AFF2: variants seen among roughly 807,000 people sequenced by gnomAD.
AFF2 encodes the protein AF4/FMR2 family member 2.
AFF2 carries 14 observed loss-of-function variants against 76.9 expected under a neutral mutation model. The ratio of observed to expected loss-of-function variants is 0.18; its 90% CI spans 0.12 to 0.28. The LOEUF is 0.28. Among genes scored for constraint, AFF2 ranks in the 10% least tolerant of loss-of-function variants. The pLI is 1.00. For missense variants in AFF2, 868 were observed against 1,001.1 expected, an observed-to-expected ratio of 0.87 and a Z score of 1.79; for synonymous variants, 398 against 366.7, an observed-to-expected ratio of 1.09 and a Z score of -0.98.
At chrX:148,512,349 C>G (rs1463504063) in intron 1 of AFF2, among the ~76,000 whole-genome samples, 1 of 111,870 alleles carries the variant, frequency 8.9e-6, no homozygotes, top group Non-Finnish European at 1.9e-5. Context: ...TCATTGTATT[C>G]TGATTAGCAT....
chrX:148,828,120 C>T (rs782526320), intron 4 of AFF2, among the ~76,000 whole-genome samples: 73 of 111,590 alleles, frequency 6.5e-4, no homozygotes, highest in Middle Eastern at 4.6e-3. Context: ...ATGTAGTTGA[C>T]GGCAAAATAA....
chrX:148,984,317 C>T (rs781875787), intron 19 of AFF2, among the ~76,000 whole-genome samples: 12 of 110,840 alleles, frequency 1.1e-4, no homozygotes, highest in African/African-American at 1.6e-4. Context: ...GTGGTAGTGG[C>T]GGAAGTGGTG....
At chrX:148,578,428 G>GACT (rs782656678) in intron 1 of AFF2, among the ~76,000 whole-genome samples, 1 of 111,666 alleles carries the variant, frequency 9.0e-6, no homozygotes, top group African/African-American at 3.3e-5. Context: ...TCTGAACCAA[G>GACT]TGCCCCATGT....
chrX:148,627,487 G>A (rs1199117668), intron 1 of AFF2, among the ~76,000 whole-genome samples: 2 of 111,803 alleles, frequency 1.8e-5, no homozygotes, highest in Non-Finnish European at 3.8e-5. Context: ...ATGGGCATGG[G>A]CCATATTGTA....
intron 20 of AFF2, among the ~76,000 whole-genome samples, chrX:148,987,836 A>G (rs1463778313): frequency 1.8e-5 from 2 of 112,272 alleles, no homozygotes; most frequent in Non-Finnish European, 3.8e-5. Flanking sequence ...AACACAGAGA[A>G]ACAGAGGCAA....
intron 3 of AFF2, among the ~76,000 whole-genome samples, chrX:148,761,422 G>A (rs1425460893): frequency 9.3e-6 from 1 of 107,554 alleles, no homozygotes; most frequent in Non-Finnish European, 1.9e-5. Flanking sequence ...TAAAGAGGTA[G>A]ATGATTTTGA....
At chrX:148,798,554 T>C (rs1557270716) in intron 3 of AFF2, among the ~76,000 whole-genome samples, 1 of 112,549 alleles carries the variant, frequency 8.9e-6, no homozygotes, top group Non-Finnish European at 1.9e-5. Flanking sequence ...ACATTAATTC[T>C]GGTCAAGAGT....
intron 7 of AFF2, among the ~76,000 whole-genome samples, chrX:148,865,860 A>G (rs1042690381): frequency 1.8e-5 from 2 of 111,967 alleles, no homozygotes; most frequent in East Asian, 5.6e-4. Context: ...CTGACTAGGA[A>G]GAGCAAGATT....
At chrX:148,936,733 G>A (rs1471309088) in intron 9 of AFF2, among the ~76,000 whole-genome samples, 3 of 112,366 alleles carry the variant, frequency 2.7e-5, no homozygotes, top group Non-Finnish European at 3.8e-5. Context: ...TGTGGGAAAC[G>A]GGCTACAGTT....
At chrX:148,647,359 C>A (rs1157559137) in intron 1 of AFF2, among the ~76,000 whole-genome samples, 1 of 111,686 alleles carries the variant, frequency 9.0e-6, no homozygotes, top group African/African-American at 3.3e-5. Flanking sequence ...ATTTTTTATT[C>A]CCCAAGTGGC....
At chrX:148,925,359 T>C (rs782557811) in intron 9 of AFF2, among the ~76,000 whole-genome samples, 1 of 112,874 alleles carries the variant, frequency 8.9e-6, no homozygotes, top group East Asian at 2.8e-4. Flanking sequence ...ACACAGTAGG[T>C]ATTTAATATT....
intron 18 of AFF2, among the ~76,000 whole-genome samples, chrX:148,980,081 C>A (rs1464489108): frequency 1.8e-5 from 2 of 111,789 alleles, no homozygotes; most frequent in African/African-American, 6.5e-5. Context: ...GTCAGTTTTC[C>A]CTCTGATCCA....
At chrX:148,799,921 G>A (rs2070035125) in intron 3 of AFF2, among the ~76,000 whole-genome samples, 2 of 111,197 alleles carry the variant, frequency 1.8e-5, no homozygotes, top group Non-Finnish European at 3.8e-5. Context: ...TACACCATTG[G>A]AGATGTAGAT....
chrX:148,620,250 T>G (rs1273021050), intron 1 of AFF2, among the ~76,000 whole-genome samples: 8 of 110,970 alleles, frequency 7.2e-5, no homozygotes, highest in Non-Finnish European at 1.9e-5. Context: ...AGTCCATACT[T>G]TGTGGTTTGT....
chrX:148,554,960 G>A (rs1201515459), intron 1 of AFF2, among the ~76,000 whole-genome samples: 6 of 112,674 alleles, frequency 5.3e-5, no homozygotes, highest in African/African-American at 1.9e-4. Flanking sequence ...CCATTCAACA[G>A]AAGGGGCCCT....
At chrX:148,658,898 T>A (rs2054278546) in intron 2 of AFF2, among the ~76,000 whole-genome samples, 1 of 112,159 alleles carries the variant, frequency 8.9e-6, no homozygotes, top group African/African-American at 3.2e-5. Flanking sequence ...GAATTTTAAT[T>A]TATCCTGTTC....
chrX:148,843,243 C>T (rs1320876521), intron 6 of AFF2, 139 bp from the exon 7 acceptor site: 4 of 526,014 alleles, frequency 7.6e-6, no homozygotes, highest in African/African-American at 4.9e-5. Flanking sequence ...AACTGGTTCC[C>T]CCCCTTTTTT....
intron 1 of AFF2, among the ~76,000 whole-genome samples, chrX:148,551,267 G>C (rs1214273497): frequency 9.1e-6 from 1 of 109,607 alleles, no homozygotes; most frequent in Non-Finnish European, 1.9e-5. Flanking sequence ...TTACAGAGTT[G>C]TCAGGCGATG....
intron 3 of AFF2, among the ~76,000 whole-genome samples, chrX:148,797,813 G>T (rs797039903): frequency 1.8e-5 from 2 of 111,824 alleles, no homozygotes; most frequent in Non-Finnish European, 3.8e-5. Context: ...TGTAAATCAC[G>T]TCATGCAAGC....
Sources: allele counts gnomAD v4.1 joint callset (sites outside exome capture counted in the v4.1 genomes callset), GRCh38; gene constraint gnomAD v4.1.1; transcripts MANE v1.5; gene names NCBI Gene and HGNC (gene_info 2026-07-23, HGNC 2026-07-21).